LY96: variants seen among roughly 807,000 people sequenced by gnomAD.
LY96 encodes lymphocyte antigen 96.
LY96 carries 18 observed loss-of-function variants against 18.9 expected under a neutral mutation model. The ratio of observed to expected loss-of-function variants is 0.95; its 90% CI spans 0.66 to 1.41. The LOEUF (loss-of-function observed/expected upper bound fraction) is 1.41. LY96 is among the 40% of genes most tolerant of loss of function. LY96 has a pLI of 0.00. For synonymous variants in LY96, 66 were observed against 62.6 expected, an observed-to-expected ratio of 1.06 and a Z score of -0.26; for missense variants, 175 against 182.4, an observed-to-expected ratio of 0.96 and a Z score of 0.23.
the LY96 span, among the ~76,000 whole-genome samples, chr8:74,057,773 C>A: frequency 6.6e-6 from 1 of 152,252 alleles, no homozygotes; most frequent in Non-Finnish European, 1.5e-5. Flanking sequence ...GGTAGCCAGG[C>A]TCACACCTGC....
the LY96 span, among the ~76,000 whole-genome samples, chr8:74,094,987 C>T: frequency 6.6e-6 from 1 of 152,158 alleles, no homozygotes; most frequent in East Asian, 1.9e-4. Flanking sequence ...CAGGTTTGGC[C>T]TTGAATGCAG....
intron 3 of LY96, among the ~76,000 whole-genome samples, chr8:74,019,717 G>C (rs917781528): frequency 1.3e-5 from 2 of 151,954 alleles, no homozygotes; most frequent in Admixed American, 1.3e-4. Context: ...AAAAGCTTAT[G>C]CGCCAAGATC....
chr8:74,033,892 A>G (rs868165989), downstream of LY96, among the ~76,000 whole-genome samples: 4 of 144,946 alleles, frequency 2.8e-5, no homozygotes, highest in South Asian at 8.5e-4. Context: ...AAACAGGACA[A>G]TTGGAGACTT....
the LY96 span, among the ~76,000 whole-genome samples, chr8:74,050,355 A>T: frequency 2.0e-3 from 297 of 152,208 alleles, 1 homozygote; most frequent in Middle Eastern, 0.017. Context: ...TTAAAAAAAA[A>T]GTTAAAATAA....
the LY96 span, among the ~76,000 whole-genome samples, chr8:74,050,154 C>T: frequency 6.6e-6 from 1 of 151,960 alleles, no homozygotes; most frequent in African/African-American, 2.4e-5. Flanking sequence ...ACCAGCCTGG[C>T]CAACATGGTG....
chr8:74,086,049 C>T, the LY96 span, among the ~76,000 whole-genome samples: 11 of 152,190 alleles, frequency 7.2e-5, no homozygotes, highest in Non-Finnish European at 1.3e-4. Flanking sequence ...AACCACCCCC[C>T]TCCCAGCCCC....
chr8:74,095,109 A>G, the LY96 span, among the ~76,000 whole-genome samples: 2 of 152,254 alleles, frequency 1.3e-5, no homozygotes, highest in Admixed American at 1.3e-4. Context: ...TTGGAGCCAC[A>G]AATCTCAAAT....
the LY96 span, among the ~76,000 whole-genome samples, chr8:74,076,871 G>T: frequency 6.6e-6 from 1 of 152,112 alleles, no homozygotes; most frequent in South Asian, 2.1e-4. Context: ...GTTGGCATCA[G>T]ATCCCATAAG....
chr8:74,038,143 A>G, the LY96 span, among the ~76,000 whole-genome samples: 1 of 152,210 alleles, frequency 6.6e-6, no homozygotes, highest in Non-Finnish European at 1.5e-5. Context: ...AAATCACATC[A>G]GGGTAAATGG....
intron 2 of LY96, among the ~76,000 whole-genome samples, chr8:74,005,912 A>G (rs1459861595): frequency 2.0e-5 from 3 of 152,240 alleles, no homozygotes; most frequent in Admixed American, 2.0e-4. Flanking sequence ...TTTTAGATTA[A>G]TACTTTACAG....
intron 1 of LY96, among the ~76,000 whole-genome samples, chr8:73,997,638 C>A (rs550906620): frequency 6.6e-5 from 10 of 152,292 alleles, no homozygotes; most frequent in African/African-American, 1.9e-4. Flanking sequence ...CACAAGTTTT[C>A]CTCCCACATC....
intron 1 of LY96, 97 bp downstream of exon 1, chr8:73,991,651 C>T: frequency 1.3e-6 from 1 of 774,442 alleles, no homozygotes; most frequent in South Asian, 1.4e-5. Context: ...ACACACGAAA[C>T]ATCAGTGTGT....
the LY96 span, among the ~76,000 whole-genome samples, chr8:74,099,265 A>G: frequency 6.6e-6 from 1 of 152,194 alleles, no homozygotes; most frequent in Non-Finnish European, 1.5e-5. Flanking sequence ...CTCAGCCATG[A>G]TGGTATGGGA....
chr8:73,993,754 T>C (rs1816061257), intron 1 of LY96, among the ~76,000 whole-genome samples: 1 of 152,072 alleles, frequency 6.6e-6, no homozygotes, highest in East Asian at 1.9e-4. Flanking sequence ...AATTATTAAT[T>C]TTTTTGTAGA....
At chr8:74,002,877 A>C (rs1428191708) in intron 1 of LY96, among the ~76,000 whole-genome samples, 1 of 152,098 alleles carries the variant, frequency 6.6e-6, no homozygotes, top group Non-Finnish European at 1.5e-5. Flanking sequence ...CCCAGCCTTC[A>C]GCTCCATGAT....
the LY96 span, among the ~76,000 whole-genome samples, chr8:74,073,795 C>T: frequency 1.3e-5 from 2 of 151,422 alleles, no homozygotes; most frequent in Non-Finnish European, 2.9e-5. Flanking sequence ...TCCTGCCTGG[C>T]TGAGGCAGGA....
At chr8:73,996,368 CATT>C (rs1563707756) in intron 1 of LY96, among the ~76,000 whole-genome samples, 2,117 of 61,590 alleles carry the variant, frequency 0.034, 30 homozygotes, top group Middle Eastern at 0.06. Flanking sequence ...TTCCTTCCTT[CATT>C]CCTTTCTTTC....
At chr8:74,036,690 T>C in the LY96 span, among the ~76,000 whole-genome samples, 1 of 152,228 alleles carries the variant, frequency 6.6e-6, no homozygotes, top group African/African-American at 2.4e-5. Flanking sequence ...GGAGACTGAT[T>C]TGAGTGGTAA....
chr8:74,090,786 A>C, the LY96 span, among the ~76,000 whole-genome samples: 1 of 152,210 alleles, frequency 6.6e-6, no homozygotes, highest in African/African-American at 2.4e-5. Context: ...TTTCTCCAGC[A>C]ATTTGGTAGG....
Sources: gnomAD v4.1 joint callset for allele counts (sites outside exome capture counted in the v4.1 genomes callset) on GRCh38, gnomAD v4.1.1 for gene constraint, MANE v1.5 for transcripts, NCBI Gene and HGNC (gene_info 2026-07-23, HGNC 2026-07-21) for gene names.